WHAMM: variants seen among roughly 807,000 people sequenced by gnomAD.
WHAMM encodes WASP homolog-associated protein with actin, membranes and microtubules.
A neutral mutation model predicts 76.5 loss-of-function variants in WHAMM; 67 were observed. The observed-to-expected ratio is 0.88, with a 90% CI of 0.72 to 1.07. The LOEUF (loss-of-function observed/expected upper bound fraction) is 1.07. WHAMM is among the 50% of genes least tolerant of loss of function. The probability of loss-of-function intolerance (pLI) is 0.00; values close to 1 mark genes in which losing one functional copy is unlikely to be tolerated. For missense variants in WHAMM, 1,021 were observed against 1,051.1 expected (o/e 0.97, Z 0.40); for synonymous variants, 419 against 422.1 (o/e 0.99, Z 0.09).
rs1309820004 is a variant in WHAMM, at chr15:82,833,680, T to C, written c.*144T>C. On this transcript the variant is annotated 3_prime_UTR_variant, in exon 10 of 10. Transcript: ENST00000286760. ...ATCAGCAGGGCCTTGTGTAGGCTGC[T>C]GCAGCATTTTTTTTTTTTTTCTTTT... 6.8e-6 allele frequency: 6 copies of C among 885,854 alleles called. No individual in the cohort carries two copies. The African/African-American group carries it at 1.0e-4, about 15-fold the overall frequency. The allele number at this position is 885,854 out of a possible 1,614,324, so 54.9% of individuals were successfully genotyped here.
In WHAMM at chr15:82,830,803, A is replaced by G. The variant is rs372538979; in HGVS notation, c.1846A>G (p.Ile616Val). Reference sequence around the variant, plus strand: ...CAAGTGTCAAAACTGTCATGGAAATATCCCTGTCCAGGTTTTTGTTCCAGT... The same window carrying G: ...CAAGTGTCAAAACTGTCATGGAAATGTCCCTGTCCAGGTTTTTGTTCCAGT... ...SPKCQNCHGN[I>V]PVQVFVPVGD... Residue 616 changes from isoleucine to valine, a missense_variant, in exon 9 of 10, where the codon ATC becomes GTC. Transcript: ENST00000286760. 6.2e-7 allele frequency: 1 copy of G among 1,611,958 alleles called. No individual in the cohort carries two copies. The highest frequency in any genetic ancestry group is 8.5e-7 in the Non-Finnish European group (1 of 1,178,870).
chr15:82,833,355 G>A lies in WHAMM; in HGVS notation c.2249G>A (p.Gly750Glu). ...CACATTCTGGCTGCCATAAGGCAAG[G>A]GGTCAAACTGAAGAAAGTTCACCCT... ...NEHILAAIRQ[G>E]VKLKKVHPDL... The change falls in exon 10 of 10, where the codon GGG becomes GAG. Residue 750 changes from glycine (G) to glutamate (E), a missense_variant. Around this residue, in one of 3 missense-constraint regions of WHAMM, gnomAD observed 509 missense variants for 492.3 expected, o/e 1.03. Coordinates refer to ENST00000286760, the MANE Select transcript of WHAMM (RefSeq NM_001080435.3). 6.2e-7 allele frequency: 1 copy of A among 1,614,018 alleles called. No individual in the cohort carries two copies. The highest frequency in any genetic ancestry group is 8.5e-7 in the Non-Finnish European group (1 of 1,179,886).
At chr15:82,817,669 G>A (rs1261868297) in intron 3 of WHAMM, among the ~76,000 whole-genome samples, 1 of 152,150 alleles carries the variant, frequency 6.6e-6, no homozygotes, top group East Asian at 1.9e-4. Context: ...GGAAGCAAGT[G>A]TGCCAAAATA....
Position 82,809,631 on chromosome 15 carries a change from G to C in WHAMM, c.-96G>C. 1 of 1,122,270 alleles carries C rather than the reference G, an allele frequency of 8.9e-7. No individual in the cohort carries two copies. The highest frequency in any genetic ancestry group is 1.1e-6 in the Non-Finnish European group (1 of 869,722). 69.5% of individuals were successfully genotyped at this position (1,122,270 alleles called of 1,614,324 possible). On this transcript the variant is annotated 5_prime_UTR_variant, in exon 1 of 10. Transcript: ENST00000286760. ...GGGCACTGACGCGGTTTCGATTCTAGCGAAAAATGATTTGGCTCGGACTGT... is the reference window on the plus strand; with the variant it reads ...GGGCACTGACGCGGTTTCGATTCTACCGAAAAATGATTTGGCTCGGACTGT...
intron 2 of WHAMM, among the ~76,000 whole-genome samples, chr15:82,815,806 T>C (rs546902533): frequency 6.6e-6 from 1 of 152,380 alleles, no homozygotes; most frequent in Non-Finnish European, 1.5e-5. Context: ...TGTAATTCCT[T>C]GTCGGCTAAC....
Position 82,833,598 on chromosome 15 carries a change from C to T in WHAMM, c.*62C>T. 2 of 1,543,738 alleles carry T rather than the reference C, an allele frequency of 1.3e-6. No homozygotes were observed. Among genetic ancestry groups the T allele is most frequent in the South Asian group, 1.2e-5 (1 of 83,472 alleles). On this transcript the variant is annotated 3_prime_UTR_variant, in exon 10 of 10. Coordinates refer to ENST00000286760, the MANE Select transcript of WHAMM (RefSeq NM_001080435.3). ...TGAATAAAGTGGGTGAGTCTTAGAC[C>T]TATCGAAAAGCATACTAACAGGGTG... is the stretch of plus-strand genomic sequence containing the variant.
chr15:82,818,404 T>C (rs545249932), intron 4 of WHAMM, among the ~76,000 whole-genome samples: 1 of 152,370 alleles, frequency 6.6e-6, no homozygotes, highest in Non-Finnish European at 1.5e-5. Context: ...ATAGCACTTT[T>C]CTTTCCAGGC....
intron 1 of WHAMM, among the ~76,000 whole-genome samples, chr15:82,811,893 T>C (rs1481315015): frequency 6.6e-6 from 1 of 152,148 alleles, no homozygotes; most frequent in Non-Finnish European, 1.5e-5. Flanking sequence ...TAAAAAACTA[T>C]AGCTGAAAGT....
At chr15:82,824,777 T>C (rs1231476196) in intron 6 of WHAMM, among the ~76,000 whole-genome samples, 2 of 152,266 alleles carry the variant, frequency 1.3e-5, no homozygotes, top group African/African-American at 4.8e-5. Flanking sequence ...ACTATATTTT[T>C]CTTATTAGAA....
chr15:82,810,405 G>A (rs1452372341), intron 1 of WHAMM, 70 bp downstream of exon 1: 38 of 1,231,744 alleles, frequency 3.1e-5, no homozygotes, highest in Non-Finnish European at 3.7e-5. Context: ...AGGCTCCCCC[G>A]GCGCCGAGAG....
At position 82,809,852 on chromosome 15, in the gene WHAMM, T is replaced by C. The variant is rs1393543469; in HGVS notation, c.126T>C (p.Ala42=). The part of the protein sequence containing the change: ...VAWNGAEGKF[A]VTCHDRTAQQ... ...GGAACGGCGCGGAGGGCAAGTTCGC[T>C]GTGACTTGTCACGACCGTACCGCGC... is the stretch of plus-strand genomic sequence containing the variant. Residue 42 remains alanine (A), a synonymous_variant, in exon 1 of 10, where the codon GCT becomes GCC. Transcript: ENST00000286760. 2 of 1,604,722 alleles carry C rather than the reference T, an allele frequency of 1.2e-6. No homozygotes were observed. The highest frequency in any genetic ancestry group is 3.4e-5 in the Admixed American group (2 of 59,684).
rs1424639310 is a variant in WHAMM, at chr15:82,818,091, T to G, written c.1104+2T>G. ...AAAAGAGCTGAAATTCAGGGAAAGG[T>G]AAGACAAAGATAAACATAACTTTGT... On this transcript the variant is annotated splice_donor_variant, in intron 4 of 9. Transcript: ENST00000286760. LOFTEE classifies it high-confidence loss of function. 6 of 1,540,652 alleles carry G rather than the reference T, an allele frequency of 3.9e-6. No individual in the cohort carries two copies. The African/African-American group carries it at 5.5e-5, about 14-fold the overall frequency.
At chr15:82,822,770 C>A (rs1308905301) in intron 5 of WHAMM, among the ~76,000 whole-genome samples, 1 of 151,808 alleles carries the variant, frequency 6.6e-6, no homozygotes, top group Non-Finnish European at 1.5e-5. Flanking sequence ...GGAAAATGTT[C>A]TTTTAGAACT....
In WHAMM at chr15:82,809,981, G is replaced by T. The variant is rs911892076; in HGVS notation, c.255G>T (p.Ala85=). The change falls in exon 1 of 10, where the codon GCG becomes GCT. Residue 85 remains alanine (A), a synonymous_variant. Coordinates refer to ENST00000286760, the MANE Select transcript of WHAMM (RefSeq NM_001080435.3). ...PSSWAGLLSA[A]GLRGAHRQLA... ...GCTGGGCCGGCCTGCTCTCGGCCGCGGGGCTCCGCGGCGCGCACCGGCAGT... is the reference window on the plus strand; with the variant it reads ...GCTGGGCCGGCCTGCTCTCGGCCGCTGGGCTCCGCGGCGCGCACCGGCAGT... 7.8e-6 allele frequency: 10 copies of T among 1,287,848 alleles called. No homozygotes were observed. Among genetic ancestry groups the T allele is most frequent in the Middle Eastern group, 2.9e-4 (1 of 3,402 alleles). The allele number at this position is 1,287,848 out of a possible 1,614,324, so 79.8% of individuals were successfully genotyped here. A position where few individuals can be genotyped will look rare whatever the true frequency, so the allele number is the denominator to read the frequency against.
At chr15:82,817,600 G>A (rs1328257279) in intron 3 of WHAMM, among the ~76,000 whole-genome samples, 1 of 152,094 alleles carries the variant, frequency 6.6e-6, no homozygotes, top group East Asian at 1.9e-4. Context: ...GATGATCCTG[G>A]TTTTGTGGTC....
intron 9 of WHAMM, 96 bp from the exon 10 acceptor site, chr15:82,833,133 G>A: frequency 1.5e-6 from 2 of 1,331,590 alleles, no homozygotes; most frequent in Non-Finnish European, 2.0e-6. Flanking sequence ...AAATCATGGT[G>A]TTAACTGATA....
At chr15:82,831,116 T>C in intron 9 of WHAMM, 37 bp downstream of exon 9, 1 of 1,583,392 alleles carries the variant, frequency 6.3e-7, no homozygotes, top group South Asian at 1.1e-5. Flanking sequence ...TCCCCATGAG[T>C]TGTTAAGCTG....
intron 8 of WHAMM, among the ~76,000 whole-genome samples, chr15:82,828,682 A>G (rs1004272496): frequency 2.0e-5 from 3 of 152,206 alleles, no homozygotes; most frequent in Non-Finnish European, 4.4e-5. Context: ...AGGCAGATTT[A>G]AAATGACAGA....
intron 2 of WHAMM, among the ~76,000 whole-genome samples, chr15:82,815,013 G>A (rs1226525438): frequency 1.0e-4 from 15 of 147,216 alleles, no homozygotes; most frequent in Non-Finnish European, 2.1e-4. Flanking sequence ...CTCGTGATCC[G>A]CCCGTCTCGG....
Sources: gnomAD v4.1 joint callset for allele counts (sites outside exome capture counted in the v4.1 genomes callset) on GRCh38, gnomAD v4.1.1 for gene constraint, gnomAD v4.1.1 regional missense constraint, MANE v1.5 for transcripts, NCBI Gene and HGNC (gene_info 2026-07-23, HGNC 2026-07-21) for gene names.